NELL2: variants seen among roughly 807,000 people sequenced by gnomAD.
NELL2 encodes the protein neural EGFL like 2.
Under a neutral mutation model 109.6 loss-of-function variants are expected in NELL2, and 41 were observed. That is an observed-to-expected ratio of 0.37 (90% confidence interval 0.29 to 0.49). The LOEUF is 0.49. Ranked by LOEUF, NELL2 falls within the 20% of genes least tolerant of loss-of-function variation. NELL2 has a pLI of 0.98. For missense variants in NELL2, 900 were observed against 1,008.3 expected (o/e 0.89, Z 1.45); for synonymous variants, 355 against 344.7 (o/e 1.03, Z -0.33).
At chr12:44,819,328 T>C (rs1462832345) in intron 2 of NELL2, among the ~76,000 whole-genome samples, 2 of 152,188 alleles carry the variant, frequency 1.3e-5, no homozygotes, top group African/African-American at 4.8e-5. Flanking sequence ...AGTCTGGCAA[T>C]TTGGTAATTA....
intron 9 of NELL2, 190 bp downstream of exon 9, chr12:44,774,557 T>C: frequency 1.8e-6 from 1 of 566,560 alleles, no homozygotes; most frequent in Non-Finnish European, 3.1e-6. Context: ...ATTGTCCTAC[T>C]GGAATAGGGG....
intron 9 of NELL2, among the ~76,000 whole-genome samples, chr12:44,717,020 C>T (rs1566228764): frequency 6.6e-6 from 1 of 151,902 alleles, no homozygotes; most frequent in East Asian, 1.9e-4. Flanking sequence ...GTCACAATTG[C>T]TTAATTCTCT....
chr12:44,858,033 G>T (rs1307458607), intron 2 of NELL2, among the ~76,000 whole-genome samples: 4 of 152,150 alleles, frequency 2.6e-5, no homozygotes, highest in African/African-American at 9.7e-5. Flanking sequence ...GTCCAAGGGA[G>T]CATGATCCTC....
intron 16 of NELL2, among the ~76,000 whole-genome samples, chr12:44,528,097 C>CAAAAAAAAAAAAA (rs71093812): frequency 5.0e-4 from 11 of 21,998 alleles, no homozygotes; most frequent in East Asian, 4.7e-3. Flanking sequence ...GACTCCGTCT[C>CAAAAAAAAAAAAA]AAAAAAAAAA....
intron 2 of NELL2, among the ~76,000 whole-genome samples, chr12:44,867,595 C>T (rs1945037318): frequency 6.6e-6 from 1 of 152,140 alleles, no homozygotes; most frequent in Admixed American, 6.5e-5. Context: ...CTTGCCACTT[C>T]TATTCAACAT....
intron 15 of NELL2, among the ~76,000 whole-genome samples, chr12:44,582,214 A>G (rs1944348249): frequency 6.6e-6 from 1 of 152,180 alleles, no homozygotes; most frequent in Non-Finnish European, 1.5e-5. Flanking sequence ...TAAGAAAAAC[A>G]TTCTAAGGAA....
chr12:44,860,613 G>C (rs1345846179), intron 2 of NELL2, among the ~76,000 whole-genome samples: 1 of 152,102 alleles, frequency 6.6e-6, no homozygotes, highest in Non-Finnish European at 1.5e-5. Flanking sequence ...GTCTCACATT[G>C]CATCACACTG....
Position 44,798,173 on chromosome 12 carries a change from G to A in NELL2, c.335+17813C>T, listed in dbSNP as rs115711226. Among the ~76,000 whole-genome samples, 1,161 of 148,540 alleles carry A rather than the reference G, an allele frequency of 7.8e-3. 24 individuals are homozygous for A. The highest frequency in any genetic ancestry group is 0.028 in the African/African-American group (1,090 of 39,224). Reference sequence around the variant, plus strand: ...AGCATTCCCTCAGATTTTCTGTACTGTTTTTGAGTTGGGATTCTAATATGT... The same window carrying A: ...AGCATTCCCTCAGATTTTCTGTACTATTTTTGAGTTGGGATTCTAATATGT... On this transcript the variant is annotated intron_variant, in intron 3 of 19. Transcript: ENST00000429094.
intron 9 of NELL2, among the ~76,000 whole-genome samples, chr12:44,747,842 T>C (rs1372228431): frequency 2.6e-5 from 4 of 152,160 alleles, no homozygotes; most frequent in East Asian, 3.9e-4. Context: ...ATGGGACTTG[T>C]ATGAATTTTA....
intron 15 of NELL2, among the ~76,000 whole-genome samples, chr12:44,588,155 A>G (rs1944608396): frequency 6.7e-6 from 1 of 150,194 alleles, no homozygotes; most frequent in Admixed American, 6.6e-5. Flanking sequence ...TGGGTGACAG[A>G]GCAAGACTCC....
chr12:44,653,913 C>T (rs957054381), intron 13 of NELL2, among the ~76,000 whole-genome samples: 1 of 152,204 alleles, frequency 6.6e-6, no homozygotes, highest in Admixed American at 6.5e-5. Flanking sequence ...GGCTTTATCT[C>T]TTACAATTCC....
chr12:44,584,117 A>C (rs1944417930), intron 15 of NELL2, among the ~76,000 whole-genome samples: 1 of 152,202 alleles, frequency 6.6e-6, no homozygotes, highest in Admixed American at 6.5e-5. Context: ...TCTACACCAT[A>C]GACTAGGTCA....
chr12:44,713,471 G>A (rs1938328387), intron 10 of NELL2, among the ~76,000 whole-genome samples: 1 of 151,668 alleles, frequency 6.6e-6, no homozygotes, highest in Non-Finnish European at 1.5e-5. Flanking sequence ...CACTTAAAAC[G>A]GCATTGGTGT....
intron 15 of NELL2, among the ~76,000 whole-genome samples, chr12:44,581,888 A>T (rs189020712): frequency 1.3e-5 from 2 of 152,358 alleles, no homozygotes; most frequent in Admixed American, 1.3e-4. Flanking sequence ...AAAAGAAAAA[A>T]GTATCTGATG....
upstream of NELL2, among the ~76,000 whole-genome samples, chr12:44,878,241 C>T (rs1045521019): frequency 9.2e-5 from 14 of 152,156 alleles, no homozygotes; most frequent in Admixed American, 2.6e-4. Context: ...CCCTCCAGAA[C>T]AGTGGTATTT....
intron 15 of NELL2, among the ~76,000 whole-genome samples, chr12:44,538,339 T>C (rs1185759061): frequency 6.6e-6 from 1 of 152,230 alleles, no homozygotes; most frequent in Non-Finnish European, 1.5e-5. Flanking sequence ...GCTGTTAACA[T>C]ACGAGGCCTC....
chr12:44,532,370 G>C, intron 16 of NELL2: 1 of 371,808 alleles, frequency 2.7e-6, no homozygotes, highest in Non-Finnish European at 4.7e-6. Flanking sequence ...CAGAAAACTG[G>C]GTTAGTGTCA....
intron 13 of NELL2, among the ~76,000 whole-genome samples, chr12:44,635,677 G>T (rs1232056216): frequency 1.3e-5 from 2 of 152,074 alleles, no homozygotes; most frequent in East Asian, 3.9e-4. Context: ...TGCTGTTTTG[G>T]TTACAGTAGA....
chr12:44,511,242 G>A (rs1940990358), intron 19 of NELL2, among the ~76,000 whole-genome samples: 1 of 152,112 alleles, frequency 6.6e-6, no homozygotes, highest in Non-Finnish European at 1.5e-5. Flanking sequence ...AACTAATAAA[G>A]CATCCTACTT....
Sources: allele counts gnomAD v4.1 joint callset (sites outside exome capture counted in the v4.1 genomes callset), GRCh38; gene constraint gnomAD v4.1.1; transcripts MANE v1.5; gene names NCBI Gene and HGNC (gene_info 2026-07-23, HGNC 2026-07-21).